Variants in SETBP1 observed in about 807,000 individuals in gnomAD.
SETBP1 encodes SET-binding protein.
Under a neutral mutation model 101.0 loss-of-function variants are expected in SETBP1, and 9 were observed. The observed-to-expected ratio is 0.09, with a 90% CI of 0.05 to 0.16. The LOEUF (loss-of-function observed/expected upper bound fraction) is 0.16. Ranked by LOEUF, SETBP1 falls within the 10% of genes least tolerant of loss-of-function variation. The probability of loss-of-function intolerance (pLI) is 1.00; values close to 1 mark genes in which losing one functional copy is unlikely to be tolerated. For synonymous variants in SETBP1, 818 were observed against 788.5 expected (o/e 1.04, Z -0.63); for missense variants, 1,858 against 2,033.8 (o/e 0.91, Z 1.66).
intron 2 of SETBP1, among the ~76,000 whole-genome samples, chr18:44,736,484 C>T (rs546957358): frequency 2.0e-5 from 3 of 152,082 alleles, no homozygotes; most frequent in Non-Finnish European, 4.4e-5. Flanking sequence ...ATGTCATTAC[C>T]CTAAGTTGGG....
At chr18:45,003,689 A>G (rs1340306601) in intron 4 of SETBP1, among the ~76,000 whole-genome samples, 5 of 56,278 alleles carry the variant, frequency 8.9e-5, no homozygotes, top group Admixed American at 1.9e-4. Context: ...TGTCATGGGA[A>G]AAAAAAAAAA....
At chr18:44,860,232 C>T (rs1314765471) in intron 2 of SETBP1, among the ~76,000 whole-genome samples, 1 of 152,114 alleles carries the variant, frequency 6.6e-6, no homozygotes, top group Non-Finnish European at 1.5e-5. Flanking sequence ...GGCATATGTT[C>T]AAGGAGGGAA....
intron 4 of SETBP1, chr18:44,987,388 A>G (rs976406952): frequency 6.6e-6 from 1 of 152,224 alleles, no homozygotes; most frequent in Admixed American, 6.5e-5. Flanking sequence ...ACCCCCAATT[A>G]GGATTATTGC....
intron 4 of SETBP1, among the ~76,000 whole-genome samples, chr18:44,955,334 G>A (rs2071459112): frequency 6.6e-6 from 1 of 152,140 alleles, no homozygotes; most frequent in African/African-American, 2.4e-5. Context: ...GAAGAAATAG[G>A]TGTCATGACA....
intron 3 of SETBP1, among the ~76,000 whole-genome samples, chr18:44,874,242 T>G (rs779732223): frequency 2.6e-5 from 4 of 152,254 alleles, no homozygotes; most frequent in Non-Finnish European, 5.9e-5. Context: ...CCAGTAATTT[T>G]TAAATGTTTT....
At chr18:44,827,894 G>A (rs1197278586) in intron 2 of SETBP1, among the ~76,000 whole-genome samples, 1 of 152,164 alleles carries the variant, frequency 6.6e-6, no homozygotes, top group African/African-American at 2.4e-5. Flanking sequence ...ATGAAGAAAA[G>A]TAAGAAAAGC....
rs2073447126 is a variant in SETBP1, at chr18:45,038,596, C to A, written c.4112C>A (p.Thr1371Lys). The change falls in exon 5 of 6, where the codon ACA becomes AAA. Residue 1371 changes from threonine (T) to lysine (K), a missense_variant. This residue lies in a region of SETBP1 where 417 missense variants were observed against 389.1 expected (regional missense o/e 1.07). Coordinates refer to ENST00000649279, the MANE Select transcript of SETBP1 (RefSeq NM_015559.3). ...AAGCCAGCCGCAGTTGACAGTGTTA[C>A]AATTCCACCAGCCCCAGTGTTATCT... ...RKKPAAVDSV[T>K]IPPAPVLSLL... 3.1e-6 allele frequency: 5 copies of A among 1,614,084 alleles called. No homozygotes were observed. In the African/African-American group the frequency reaches 6.7e-5, roughly 22 times the overall value.
intron 2 of SETBP1, among the ~76,000 whole-genome samples, chr18:44,722,614 C>A (rs2069624532): frequency 6.6e-6 from 1 of 152,194 alleles, no homozygotes; most frequent in African/African-American, 2.4e-5. Flanking sequence ...GGCTGCATGG[C>A]CACCATGATT....
chr18:44,840,384 A>T (rs1449074051), intron 2 of SETBP1, among the ~76,000 whole-genome samples: 2 of 152,222 alleles, frequency 1.3e-5, no homozygotes, highest in Non-Finnish European at 2.9e-5. Flanking sequence ...GCTTAGTGGC[A>T]TAGCACACCT....
rs897424080 is a variant in SETBP1 at position 44,951,824 on chromosome 18, G to A, written c.2484G>A (p.Lys828=). 8 of 1,613,984 alleles carry A rather than the reference G, an allele frequency of 5.0e-6. No homozygotes were observed. Among genetic ancestry groups the A allele is most frequent in the Non-Finnish European group, 5.9e-6 (7 of 1,180,050 alleles). Residue 828 remains lysine, a synonymous_variant, in exon 4 of 6, where the codon AAG becomes AAA. Transcript: ENST00000649279. The surrounding 1 kb of genome is among the most constrained non-coding windows in gnomAD (Gnocchi z 7.8). ...TQKGIHSGTW[K]LSPPRLMANS... ...AGGGAATACACAGTGGAACCTGGAA[G>A]CTGTCTCCACCCAGACTGATGGCCA...
chr18:44,939,544 T>G (rs2071040043), intron 3 of SETBP1, among the ~76,000 whole-genome samples: 1 of 152,202 alleles, frequency 6.6e-6, no homozygotes, highest in African/African-American at 2.4e-5. Flanking sequence ...AAAAGTCTAA[T>G]TGTGGATGTA....
chr18:44,967,884 C>G (rs1269050649), intron 4 of SETBP1, among the ~76,000 whole-genome samples: 1 of 152,194 alleles, frequency 6.6e-6, no homozygotes, highest in Non-Finnish European at 1.5e-5. Flanking sequence ...TGCCATTTCT[C>G]TCTCTCAGAA....
intron 4 of SETBP1, chr18:44,987,717 T>C (rs773574213): frequency 6.6e-6 from 1 of 152,224 alleles, no homozygotes; most frequent in African/African-American, 2.4e-5. Context: ...TTAAGCTTGC[T>C]GTGGAAAAAT....
intron 3 of SETBP1, among the ~76,000 whole-genome samples, chr18:44,879,164 G>A (rs1366118071): frequency 6.6e-6 from 1 of 152,218 alleles, no homozygotes; most frequent in Admixed American, 6.5e-5. Flanking sequence ...AGTAAAAATT[G>A]ATGCTTGTTT....
intron 2 of SETBP1, among the ~76,000 whole-genome samples, chr18:44,804,750 C>T (rs913029481): frequency 1.3e-5 from 2 of 152,066 alleles, no homozygotes; most frequent in African/African-American, 4.8e-5. Flanking sequence ...ATTTGGGGAC[C>T]ATTAAATCCA....
chr18:44,780,087 GACCTGT>G (rs943527718), intron 2 of SETBP1, among the ~76,000 whole-genome samples: 41 of 152,184 alleles, frequency 2.7e-4, no homozygotes, highest in African/African-American at 9.9e-4. Flanking sequence ...CTCCCAGCAC[GACCTGT>G]ACCCAACTGT....
At chr18:44,870,628 CAA>C (rs1355134805) in intron 3 of SETBP1, 2 of 152,134 alleles carry the variant, frequency 1.3e-5, no homozygotes, top group African/African-American at 4.8e-5. Context: ...GAAACAAAAA[CAA>C]AAGAAAATCA....
At chr18:44,713,898 A>G (rs2069401177) in intron 2 of SETBP1, among the ~76,000 whole-genome samples, 1 of 152,262 alleles carries the variant, frequency 6.6e-6, no homozygotes. Flanking sequence ...TAGTGACTAC[A>G]TAGAAGGCAC....
intron 2 of SETBP1, among the ~76,000 whole-genome samples, chr18:44,722,302 C>G (rs932728177): frequency 1.3e-5 from 2 of 152,138 alleles, no homozygotes; most frequent in African/African-American, 4.8e-5. Context: ...TCTCCGGTCG[C>G]CTTTTTGTGC....
Sources: gnomAD v4.1 joint callset for allele counts (sites outside exome capture counted in the v4.1 genomes callset) on GRCh38, gnomAD v4.1.1 for gene constraint, gnomAD v4.1.1 regional missense constraint, Gnocchi (gnomAD v3.1) non-coding constraint, MANE v1.5 for transcripts, NCBI Gene and HGNC (gene_info 2026-07-23, HGNC 2026-07-21) for gene names.